STAB1: variants seen among roughly 807,000 people sequenced by gnomAD.
The protein encoded by STAB1 is stabilin 1.
A neutral mutation model predicts 332.4 loss-of-function variants in STAB1; 250 were observed. The observed-to-expected ratio is 0.75, with a 90% CI of 0.68 to 0.84. The LOEUF is 0.84. Ranked by LOEUF, STAB1 falls within the 40% of genes least tolerant of loss-of-function variation. The pLI, the probability that STAB1 is intolerant of heterozygous loss-of-function variation, is 0.00. For synonymous variants in STAB1, 1,475 were observed against 1,390.4 expected (o/e 1.06, Z -1.35); for missense variants, 3,249 against 3,489.7 (o/e 0.93, Z 1.74).
Position 52,519,606 on chromosome 3 carries a change from ACG to A in STAB1, c.5235+43_5235+44del, listed in dbSNP as rs769869937. ...GGCCTGTCATTGTGGACACACATGC[ACG>A]TGTAAGTGTGTGCAAGTGTGTATGC... On this transcript the variant is annotated intron_variant, in intron 50 of 68. Transcript: ENST00000321725. The A allele has an allele frequency of 3.8e-6, 6 of 1,572,108 alleles. 1 individual carries two copies. The highest frequency in any genetic ancestry group is 2.3e-5 in the East Asian group (1 of 43,690).
chr3:52,500,168 C>G (rs1708339530), intron 1 of STAB1, among the ~76,000 whole-genome samples: 1 of 152,218 alleles, frequency 6.6e-6, no homozygotes, highest in Non-Finnish European at 1.5e-5. Context: ...CAGCCCCTCT[C>G]CAGCCTCCCC....
Position 52,523,488 on chromosome 3 carries a change from C to A in STAB1, c.7202C>A (p.Ala2401Asp). The A allele has an allele frequency of 6.2e-7, 1 of 1,612,422 alleles. No individual in the cohort carries two copies. The highest frequency in any genetic ancestry group is 1.1e-5 in the South Asian group (1 of 91,084). ...ASNATLLSAN[A>D]SQGKLLPAHS... Reference sequence around the variant, plus strand: ...AACGCCACCCTCCTAAGTGCCAACGCCAGCCAGGGGAAGTTGCTTCCGGCC... The same window carrying A: ...AACGCCACCCTCCTAAGTGCCAACGACAGCCAGGGGAAGTTGCTTCCGGCC... The change falls in exon 65 of 69, where the codon GCC (alanine) becomes GAC (aspartate). Residue 2401 changes from alanine to aspartate, a missense_variant. Coordinates refer to ENST00000321725, the MANE Select transcript of STAB1 (RefSeq NM_015136.3).
At chr3:52,521,033 C>A in intron 55 of STAB1, 28 bp downstream of exon 55, 1 of 1,507,314 alleles carries the variant, frequency 6.6e-7, no homozygotes, top group Non-Finnish European at 8.9e-7. Flanking sequence ...TGTTGACTAG[C>A]TCCTCTGTTC....
chr3:52,516,857 C>A, intron 41 of STAB1, 89 bp downstream of exon 41: 1 of 1,597,340 alleles, frequency 6.3e-7, no homozygotes, highest in Non-Finnish European at 8.5e-7. Flanking sequence ...AGGCCCAGCC[C>A]CCCTCACTGT....
At chr3:52,521,132 T>A (rs371863046) in intron 55 of STAB1, 127 bp downstream of exon 55, 1 of 1,268,872 alleles carries the variant, frequency 7.9e-7, no homozygotes, top group African/African-American at 1.5e-5. Context: ...GGTGAGTAGA[T>A]TTTACTAGCG....
Position 52,510,200 on chromosome 3 carries a change from TGC to T in STAB1, c.2594_2595del (p.Cys865PhefsTer13). On this transcript the variant is annotated frameshift_variant, in exon 24 of 69. Transcript: ENST00000321725. LOFTEE classifies it high-confidence loss of function. ...DGFSCTPSNP[C>X]SHPDRGGCSE... ...CTTCTCCTGCACACCTAGCAACCCCTGCTCCCACCCGGACCGTGGAGGCTGCT... is the reference window on the plus strand; with the variant it reads ...CTTCTCCTGCACACCTAGCAACCCCTTCCCACCCGGACCGTGGAGGCTGCT... The T allele has an allele frequency of 6.2e-7, 1 of 1,614,020 alleles. No homozygotes were observed. Among genetic ancestry groups the T allele is most frequent in the Non-Finnish European group, 8.5e-7 (1 of 1,180,022 alleles).
chr3:52,507,293 C>T (rs555773297), intron 18 of STAB1, among the ~76,000 whole-genome samples: 1 of 152,360 alleles, frequency 6.6e-6, no homozygotes, highest in South Asian at 2.1e-4. Flanking sequence ...GATCCGCCCA[C>T]CTCGGCCTCC....
Position 52,523,653 on chromosome 3 carries a change from C to T in STAB1, c.7292C>T (p.Ala2431Val). 1.9e-6 allele frequency: 3 copies of T among 1,612,898 alleles called. No individual in the cohort carries two copies. The highest frequency in any genetic ancestry group is 1.7e-6 in the Non-Finnish European group (2 of 1,180,000). The change falls in exon 66 of 69, where the codon GCC (alanine) becomes GTC (valine). Residue 2431 changes from alanine (A) to valine (V), a missense_variant and splice_region_variant. Physicochemically the swap from Ala to Val is moderately conservative, Grantham distance 64. Coordinates refer to ENST00000321725, the MANE Select transcript of STAB1 (RefSeq NM_015136.3). ...GGCCTGACTCTGGTCTCCCTGCAGG[C>T]CCCAGGGACAGTTGTGGTTAGCCGT... ...GPDNSSWAPV[A>V]PGTVVVSRII...
Position 52,524,097 on chromosome 3 carries a change from C to T in STAB1, c.7543-3C>T. 1.2e-6 allele frequency: 2 copies of T among 1,613,460 alleles called. No homozygotes were observed. Among genetic ancestry groups the T allele is most frequent in the Non-Finnish European group, 8.5e-7 (1 of 1,180,016 alleles). The stretch of plus-strand genomic sequence containing the variant: ...TCGCCACTCACCCCTCTGCTGCTCC[C>T]AGGCGGAAGATGATGCTGATGACGA... On this transcript the variant is annotated splice_region_variant and splice_polypyrimidine_tract_variant and intron_variant, in intron 67 of 68. Transcript: ENST00000321725.
chr3:52,501,102 G>C, intron 1 of STAB1, 64 bp from the exon 2 acceptor site: 1 of 1,577,710 alleles, frequency 6.3e-7, no homozygotes, highest in Non-Finnish European at 8.7e-7. Context: ...TTGCAGCACT[G>C]AGGACAGGGT....
chr3:52,508,407 C>T (rs1709041865), intron 21 of STAB1, 48 bp downstream of exon 21: 2 of 1,593,230 alleles, frequency 1.3e-6, no homozygotes, highest in Non-Finnish European at 1.7e-6. Context: ...CACAAGGACT[C>T]CTTCACCGGT....
At position 52,504,133 on chromosome 3, in the gene STAB1, G is replaced by T; in HGVS notation, c.1128G>T (p.Leu376=). ...AGACAGGCCGGGTGTTCCTGCAGCT[G>T]AGGGTCGCCGTGGCCATGATGGGTG... ...ATQTGRVFLQ[L]RVAVAMMDQG... Residue 376 remains leucine, a synonymous_variant, in exon 10 of 69, where the codon CTG becomes CTT. Coordinates refer to ENST00000321725, the MANE Select transcript of STAB1 (RefSeq NM_015136.3). 1 of 1,589,826 alleles carries T rather than the reference G, an allele frequency of 6.3e-7. No homozygotes were observed. Among genetic ancestry groups the T allele is most frequent in the East Asian group, 2.3e-5 (1 of 43,846 alleles).
intron 1 of STAB1, among the ~76,000 whole-genome samples, chr3:52,497,856 G>A (rs180805594): frequency 3.9e-5 from 6 of 152,300 alleles, no homozygotes; most frequent in Admixed American, 3.3e-4. Context: ...CGGGTAACCT[G>A]TTCAGTAAGG....
At chr3:52,498,694 G>C (rs1268449695) in intron 1 of STAB1, among the ~76,000 whole-genome samples, 1 of 152,218 alleles carries the variant, frequency 6.6e-6, no homozygotes, top group African/African-American at 2.4e-5. Flanking sequence ...TCCAAGAGCT[G>C]GTCCACAGCC....
rs983325760 is a variant in STAB1 at position 52,514,551 on chromosome 3, C to T, written c.3678+55C>T. On this transcript the variant is annotated intron_variant, in intron 34 of 68. Transcript: ENST00000321725. The stretch of plus-strand genomic sequence containing the variant: ...AGCCCGGGCCCCTACCCCTGAAGAT[C>T]CCTTCCCTTTGGAGTTTCCCTAGCT... 5.9e-6 allele frequency: 9 copies of T among 1,532,364 alleles called. No individual in the cohort carries two copies. The Admixed American group carries it at 1.6e-4, about 28-fold the overall frequency. The allele number at this position is 1,532,364 out of a possible 1,614,324, so 94.9% of individuals were successfully genotyped here.
intron 57 of STAB1, 44 bp from the exon 58 acceptor site, chr3:52,521,800 G>A: frequency 6.3e-7 from 1 of 1,595,226 alleles, no homozygotes; most frequent in Non-Finnish European, 8.6e-7. Flanking sequence ...AGGCCAGGAA[G>A]GCAACTACTA....
intron 1 of STAB1, among the ~76,000 whole-genome samples, chr3:52,496,116 G>T (rs1223068890): frequency 6.6e-6 from 1 of 152,198 alleles, no homozygotes; most frequent in Non-Finnish European, 1.5e-5. Flanking sequence ...ATGGGGACAG[G>T]CCATTCCCAC....
chr3:52,518,302 GC>G lies in STAB1; in HGVS notation c.4762-3del, dbSNP rs753921792. ...CCGCCCCAAATCTGAGCTGACCCTCGCCCCCCCAGGAGCTCCTGAGGGATAA... is the reference window on the plus strand; with the variant it reads ...CCGCCCCAAATCTGAGCTGACCCTCGCCCCCCAGGAGCTCCTGAGGGATAA... On this transcript the variant is annotated splice_polypyrimidine_tract_variant and intron_variant, in intron 45 of 68. Transcript: ENST00000321725. The G allele has an allele frequency of 5.0e-6, 8 of 1,612,108 alleles. No individual in the cohort carries two copies. Among genetic ancestry groups the G allele is most frequent in the Middle Eastern group, 1.6e-4 (1 of 6,076 alleles).
In STAB1 at chr3:52,501,265, C is replaced by T; in HGVS notation, c.178C>T (p.Leu60=). 2 of 1,613,604 alleles carry T rather than the reference C, an allele frequency of 1.2e-6. No homozygotes were observed. The highest frequency in any genetic ancestry group is 8.5e-7 in the Non-Finnish European group (1 of 1,180,018). The change falls in exon 2 of 69, where the codon CTG becomes TTG. Residue 60 remains leucine, a synonymous_variant. Coordinates refer to ENST00000321725, the MANE Select transcript of STAB1 (RefSeq NM_015136.3). The part of the protein sequence containing the change: ...IKKQTCPSGW[L]RELPDQITQD... ...GAAGCAGACGTGTCCCTCAGGCTGG[C>T]TGCGGGAGCTCCCGGATCAGATAAC...
Sources: gnomAD v4.1 joint callset for allele counts (sites outside exome capture counted in the v4.1 genomes callset) on GRCh38, gnomAD v4.1.1 for gene constraint, MANE v1.5 for transcripts, NCBI Gene and HGNC (gene_info 2026-07-23, HGNC 2026-07-21) for gene names.